TMPRSS15: variants seen among roughly 807,000 people sequenced by gnomAD.
TMPRSS15 encodes the protein enteropeptidase.
TMPRSS15 carries 128 observed loss-of-function variants against 125.3 expected under a neutral mutation model. The observed-to-expected ratio is 1.02, with a 90% CI of 0.89 to 1.18. The LOEUF (loss-of-function observed/expected upper bound fraction) is 1.18, where lower values mean the gene tolerates loss of function less well. Among genes scored for constraint, TMPRSS15 ranks in the 50% most tolerant of loss-of-function variants. TMPRSS15 has a pLI of 0.00. For missense variants in TMPRSS15, 1,283 were observed against 1,212.7 expected (o/e 1.06, Z -0.86); for synonymous variants, 446 against 423.2 (o/e 1.05, Z -0.66).
intron 22 of TMPRSS15, among the ~76,000 whole-genome samples, chr21:18,280,575 C>CAAAAAAAAAAGAAAAAAAAAAAAAAAAA (rs2074681089): frequency 2.1e-5 from 1 of 48,372 alleles, no homozygotes; most frequent in African/African-American, 9.4e-5. Flanking sequence ...GACTCCGTCT[C>CAAAAAAAAAAGAAAAAAAAAAAAAAAAA]AAAAAAAAAA....
At chr21:18,382,947 A>G (rs1249975307) in intron 4 of TMPRSS15, among the ~76,000 whole-genome samples, 1 of 152,058 alleles carries the variant, frequency 6.6e-6, no homozygotes, top group Non-Finnish European at 1.5e-5. Flanking sequence ...TTCTTATGTT[A>G]AAATTATTTA....
Position 18,332,095 on chromosome 21 carries a change from T to G in TMPRSS15, c.1643A>C (p.Asn548Thr). The G allele has an allele frequency of 6.2e-7, 1 of 1,613,912 alleles. No homozygotes were observed. The highest frequency in any genetic ancestry group is 8.5e-7 in the Non-Finnish European group (1 of 1,179,822). ...SSTNFPNSYPNLAFCVWILNA... is the reference protein window; with the variant it reads ...SSTNFPNSYPTLAFCVWILNA... ...AAGAAATGACTCACAGAAAGCCAGA[T>G]TAGGGTAGCTGTTTGGAAAGTTCGT... The change falls in exon 14 of 25, where the codon AAT becomes ACT. Residue 548 changes from asparagine to threonine, a missense_variant. Physicochemically the swap from Asn to Thr is moderately conservative, Grantham distance 65. Transcript: ENST00000284885.
Position 18,269,726 on chromosome 21 carries a change from A to G in TMPRSS15, c.*243T>C. The G allele has an allele frequency of 2.3e-6, 1 of 438,620 alleles. No individual in the cohort carries two copies. Among genetic ancestry groups the G allele is most frequent in the Non-Finnish European group, 4.1e-6 (1 of 243,970 alleles). 27.2% of individuals were successfully genotyped at this position (438,620 alleles called of 1,614,324 possible). A position where few individuals can be genotyped will look rare whatever the true frequency, so the allele number is the denominator to read the frequency against. The stretch of plus-strand genomic sequence containing the variant: ...TTTTAAAAATGAGATCTGTGAAGAA[A>G]TACCTGTTCACAATGAAATACAAAT... On this transcript the variant is annotated 3_prime_UTR_variant, in exon 25 of 25. Transcript: ENST00000284885.
At chr21:18,270,201 TA>T in intron 24 of TMPRSS15, 77 bp from the exon 25 acceptor site, 1 of 1,257,688 alleles carries the variant, frequency 8.0e-7, no homozygotes, top group South Asian at 1.4e-5. Flanking sequence ...TTGTATCAAA[TA>T]AATTAAAAAA....
chr21:18,346,373 T>G (rs1021235630), intron 10 of TMPRSS15, among the ~76,000 whole-genome samples: 1 of 152,108 alleles, frequency 6.6e-6, no homozygotes, highest in East Asian at 1.9e-4. Context: ...GATTAGAAAA[T>G]TATTTTCTTT....
At chr21:18,479,051 C>A (rs146302365) in intron 1 of TMPRSS15, among the ~76,000 whole-genome samples, 1,951 of 151,922 alleles carry the variant, frequency 0.013, 36 homozygotes, top group African/African-American at 0.044. Flanking sequence ...ATCTGAAAAT[C>A]TGAAATTGGA....
chr21:18,416,029 TA>T (rs1175268076), intron 1 of TMPRSS15, among the ~76,000 whole-genome samples: 3 of 151,874 alleles, frequency 2.0e-5, no homozygotes, highest in East Asian at 3.9e-4. Context: ...AAAAATAAGC[TA>T]AAAAACAATT....
At chr21:18,301,340 CAGA>C (rs1195136649) in intron 18 of TMPRSS15, among the ~76,000 whole-genome samples, 1 of 152,114 alleles carries the variant, frequency 6.6e-6, no homozygotes, top group African/African-American at 2.4e-5. Context: ...TAAAAAGCAG[CAGA>C]AGTTTACAAC....
chr21:18,335,687 A>T (rs1415449448), intron 13 of TMPRSS15, among the ~76,000 whole-genome samples: 1 of 152,260 alleles, frequency 6.6e-6, no homozygotes, highest in African/African-American at 2.4e-5. Flanking sequence ...TACTCTCTGC[A>T]TATAAATGAC....
At chr21:18,365,850 T>C (rs2075731841) in intron 6 of TMPRSS15, among the ~76,000 whole-genome samples, 1 of 148,670 alleles carries the variant, frequency 6.7e-6, no homozygotes, top group Non-Finnish European at 1.5e-5. Flanking sequence ...TTCTCCTGCC[T>C]CAGCCTCCGG....
chr21:18,284,262 C>G (rs1332435730), intron 21 of TMPRSS15, among the ~76,000 whole-genome samples: 1 of 152,196 alleles, frequency 6.6e-6, no homozygotes, highest in African/African-American at 2.4e-5. Flanking sequence ...ACCACCAGTA[C>G]TACTCCATCT....
intron 18 of TMPRSS15, among the ~76,000 whole-genome samples, chr21:18,312,264 G>A (rs1270710370): frequency 6.6e-6 from 1 of 151,924 alleles, no homozygotes; most frequent in African/African-American, 2.4e-5. Flanking sequence ...GACTTGATGG[G>A]AAGGTAAAAA....
intron 22 of TMPRSS15, among the ~76,000 whole-genome samples, chr21:18,279,868 C>A (rs561182842): frequency 7.2e-5 from 11 of 152,178 alleles, no homozygotes; most frequent in African/African-American, 2.4e-4. Flanking sequence ...TTTTACAGGG[C>A]AATTATGGAA....
chr21:18,317,431 A>AG (rs891951800), intron 16 of TMPRSS15, among the ~76,000 whole-genome samples: 3 of 132,950 alleles, frequency 2.3e-5, no homozygotes, highest in African/African-American at 5.5e-5. Context: ...AGAGTATTTG[A>AG]GGGGGGGTGT....
At chr21:18,275,679 A>G (rs945694369) in intron 23 of TMPRSS15, among the ~76,000 whole-genome samples, 2 of 152,228 alleles carry the variant, frequency 1.3e-5, no homozygotes, top group African/African-American at 4.8e-5. Context: ...TCATTCATGG[A>G]AATTAGCAAC....
In TMPRSS15 at chr21:18,353,037, T is replaced by G. The variant is rs201542054; in HGVS notation, c.1037A>C (p.Asn346Thr). 1 of 1,610,230 alleles carries G rather than the reference T, an allele frequency of 6.2e-7. No homozygotes were observed. Among genetic ancestry groups the G allele is most frequent in the Non-Finnish European group, 8.5e-7 (1 of 1,178,508 alleles). The change falls in exon 10 of 25, where the codon AAT (asparagine) becomes ACT (threonine). Residue 346 changes from asparagine (N) to threonine (T), a missense_variant. By Grantham distance (65) the Asn-to-Thr change is moderately conservative (BLOSUM62 0). Transcript: ENST00000284885. Reference protein sequence around the residue: ...SSELNNYEKINCNFEDGFCFW... With the variant: ...SSELNNYEKITCNFEDGFCFW... ...ACAAAAGCCATCCTCAAAGTTACAA[T>G]TAATTTTCTCATAATCTGTGAATGA...
intron 1 of TMPRSS15, among the ~76,000 whole-genome samples, chr21:18,433,826 G>GAT: frequency 6.6e-6 from 1 of 152,020 alleles, no homozygotes; most frequent in Admixed American, 6.6e-5. Flanking sequence ...GTTTGTTTTG[G>GAT]AGTTTTGCAG....
intron 18 of TMPRSS15, among the ~76,000 whole-genome samples, chr21:18,306,278 G>A (rs1449562685): frequency 1.3e-5 from 2 of 152,134 alleles, no homozygotes; most frequent in African/African-American, 4.8e-5. Context: ...CCTTAAACTA[G>A]GATGAAACAT....
At chr21:18,279,624 G>A (rs914260330) in intron 22 of TMPRSS15, among the ~76,000 whole-genome samples, 6 of 151,236 alleles carry the variant, frequency 4.0e-5, no homozygotes, top group Non-Finnish European at 2.9e-5. Flanking sequence ...GTGAGCCACC[G>A]CACCCGGCCC....
Sources: gnomAD v4.1 joint callset for allele counts (sites outside exome capture counted in the v4.1 genomes callset) on GRCh38, gnomAD v4.1.1 for gene constraint, MANE v1.5 for transcripts, NCBI Gene and HGNC (gene_info 2026-07-23, HGNC 2026-07-21) for gene names.